SFI1: variants seen among roughly 807,000 people sequenced by gnomAD.
The protein encoded by SFI1 is protein SFI1 homolog.
A neutral mutation model predicts 207.5 loss-of-function variants in SFI1; 195 were observed. The observed-to-expected ratio is 0.94, with a 90% CI of 0.84 to 1.06. The LOEUF (loss-of-function observed/expected upper bound fraction) is 1.06. Ranked by LOEUF, SFI1 falls within the 50% of genes least tolerant of loss-of-function variation. The pLI, the probability that SFI1 is intolerant of heterozygous loss-of-function variation, is 0.00. For synonymous variants in SFI1, 630 were observed against 598.9 expected (o/e 1.05, Z -0.76); for missense variants, 1,634 against 1,588.0 (o/e 1.03, Z -0.49).
At chr22:31,608,070 T>C (rs1387879669) in intron 22 of SFI1, 37 bp downstream of exon 22, 2 of 1,542,530 alleles carry the variant, frequency 1.3e-6, no homozygotes, top group South Asian at 1.1e-5. Flanking sequence ...TGTTGAGGAA[T>C]GTGAAGACAG....
intron 2 of SFI1, among the ~76,000 whole-genome samples, chr22:31,521,966 T>C (rs1387043116): frequency 1.3e-5 from 2 of 151,848 alleles, no homozygotes; most frequent in African/African-American, 4.8e-5. Flanking sequence ...GGTTTCATCA[T>C]GTTGGCCAGA....
intron 4 of SFI1, among the ~76,000 whole-genome samples, chr22:31,531,430 AAAAG>A (rs901277558): frequency 6.6e-6 from 1 of 152,188 alleles, no homozygotes; most frequent in African/African-American, 2.4e-5. Context: ...GCTTCAAAGA[AAAAG>A]AAAGAAAAAA....
At chr22:31,612,392 A>ATATATATATATAT (rs1421688039) in intron 24 of SFI1, 1 of 107,402 alleles carries the variant, frequency 9.3e-6, no homozygotes, top group African/African-American at 3.8e-5. Flanking sequence ...AAAAAAAAAA[A>ATATATATATATAT]AAAAAAATAT....
intron 8 of SFI1, among the ~76,000 whole-genome samples, chr22:31,572,422 T>A (rs1186052633): frequency 6.6e-6 from 1 of 152,094 alleles, no homozygotes. Context: ...TCCTCTGACT[T>A]TGGAAGAAAA....
At position 31,615,282 on chromosome 22, in the gene SFI1, A is replaced by G. The variant is rs551968397; in HGVS notation, c.3300+3A>G. The stretch of plus-strand genomic sequence containing the variant: ...GCGGGGCGGCTGCACCAGCCAGGGT[A>G]CGTCCTCCACCACCAGGCCTGGGCA... On this transcript the variant is annotated splice_donor_region_variant and intron_variant, in intron 29 of 32. Transcript: ENST00000400288. 53 of 1,484,040 alleles carry G rather than the reference A, an allele frequency of 3.6e-5. 2 individuals carry two copies. The South Asian group carries it at 6.5e-4, about 18-fold the overall frequency. 91.9% of individuals were successfully genotyped at this position (1,484,040 alleles called of 1,614,324 possible). A position where few individuals can be genotyped will look rare whatever the true frequency, so the allele number is the denominator to read the frequency against.
At chr22:31,561,168 T>C (rs1412264128) in intron 7 of SFI1, 122 bp from the exon 8 acceptor site, 3 of 731,964 alleles carry the variant, frequency 4.1e-6, no homozygotes, top group Non-Finnish European at 4.5e-6. Context: ...GCAGTGAATC[T>C]AGAGATGGTA....
At chr22:31,502,654 G>A (rs181540802) in intron 1 of SFI1, among the ~76,000 whole-genome samples, 37 of 152,222 alleles carry the variant, frequency 2.4e-4, no homozygotes, top group Middle Eastern at 3.4e-3. Flanking sequence ...GATTACAGGC[G>A]TGAGCCACTG....
chr22:31,614,590 C>T (rs887927811), intron 27 of SFI1, 199 bp from the exon 28 acceptor site: 8 of 705,676 alleles, frequency 1.1e-5, no homozygotes, highest in Non-Finnish European at 1.3e-5. Context: ...GTGGGTGAAG[C>T]AGTCCCCTGG....
At chr22:31,499,049 G>A (rs2053261178) in intron 1 of SFI1, among the ~76,000 whole-genome samples, 1 of 151,808 alleles carries the variant, frequency 6.6e-6, no homozygotes, top group Non-Finnish European at 1.5e-5. Flanking sequence ...TTGTTCTGTT[G>A]TCCAGGCTGG....
chr22:31,608,162 G>T, intron 22 of SFI1, 129 bp downstream of exon 22: 1 of 671,236 alleles, frequency 1.5e-6, no homozygotes, highest in Non-Finnish European at 2.6e-6. Context: ...CCATGACAAA[G>T]TACCACAGAC....
chr22:31,567,791 A>G (rs2062478092), intron 8 of SFI1, among the ~76,000 whole-genome samples: 1 of 152,190 alleles, frequency 6.6e-6, no homozygotes, highest in Admixed American at 6.5e-5. Context: ...CAATTGCCAG[A>G]TTTTCAAAAC....
chr22:31,614,068 T>G, intron 27 of SFI1: 1 of 621,812 alleles, frequency 1.6e-6, no homozygotes, highest in Non-Finnish European at 2.6e-6. Context: ...CCCTCTCTCC[T>G]TTGCCTGCCA....
chr22:31,524,062 C>T (rs1204940920), intron 2 of SFI1, among the ~76,000 whole-genome samples: 1 of 150,936 alleles, frequency 6.6e-6, no homozygotes, highest in Admixed American at 6.6e-5. Flanking sequence ...ATTAGCCGGG[C>T]TTGGTGGCGT....
chr22:31,546,955 GCTGA>G lies in SFI1; in HGVS notation c.437_440del (p.Asp146ValfsTer10). Reference sequence around the variant, plus strand: ...GCACGAGTGGAAACTCTGTGTTCGAGCTGACTGTCACTACAGGTCAGGTTTCATG... The same window carrying G: ...GCACGAGTGGAAACTCTGTGTTCGAGCTGTCACTACAGGTCAGGTTTCATG... On this transcript the variant is annotated frameshift_variant, in exon 5 of 33. Coordinates refer to ENST00000400288, the MANE Select transcript of SFI1 (RefSeq NM_001007467.3). LOFTEE classifies it high-confidence loss of function. The G allele has an allele frequency of 1.2e-6, 2 of 1,610,182 alleles. No individual in the cohort carries two copies. Among genetic ancestry groups the G allele is most frequent in the Non-Finnish European group, 1.7e-6 (2 of 1,177,880 alleles).
intron 4 of SFI1, among the ~76,000 whole-genome samples, chr22:31,539,376 A>G (rs977485404): frequency 2.0e-5 from 3 of 152,212 alleles, no homozygotes; most frequent in Admixed American, 6.5e-5. Flanking sequence ...CTATAAGACC[A>G]ACCAACTTTT....
intron 5 of SFI1, among the ~76,000 whole-genome samples, chr22:31,547,677 T>G (rs1216703173): frequency 6.6e-6 from 1 of 150,464 alleles, no homozygotes; most frequent in Non-Finnish European, 1.5e-5. Context: ...TGGAGTGCAA[T>G]GGCGCCATCT....
chr22:31,522,456 A>C (rs1018563793), intron 2 of SFI1, among the ~76,000 whole-genome samples: 1 of 152,096 alleles, frequency 6.6e-6, no homozygotes, highest in South Asian at 2.1e-4. Context: ...TCATCATCCC[A>C]TGTGGAAATT....
intron 8 of SFI1, among the ~76,000 whole-genome samples, chr22:31,568,214 ATATATATATATAT>A (rs1189950730): frequency 0.048 from 5,356 of 111,136 alleles, 113 homozygotes; most frequent in Non-Finnish European, 0.061. Flanking sequence ...GTGTGTGTAT[ATATATATATATAT>A]TTTTTTTTTT....
intron 6 of SFI1, among the ~76,000 whole-genome samples, chr22:31,552,258 C>CT (rs982929176): frequency 2.1e-4 from 32 of 148,848 alleles, no homozygotes; most frequent in African/African-American, 5.9e-4. Flanking sequence ...TATTTTCTTT[C>CT]TTTTTTTTTT....
Sources: gnomAD v4.1 joint callset for allele counts (sites outside exome capture counted in the v4.1 genomes callset) on GRCh38, gnomAD v4.1.1 for gene constraint, MANE v1.5 for transcripts, NCBI Gene and HGNC (gene_info 2026-07-23, HGNC 2026-07-21) for gene names.